SND1: variants seen among roughly 807,000 people sequenced by gnomAD.
SND1 encodes staphylococcal nuclease domain-containing protein 1.
Under a neutral mutation model 121.7 loss-of-function variants are expected in SND1, and 38 were observed. The observed-to-expected ratio is 0.31, with a 90% confidence interval of 0.24 to 0.41. The LOEUF (loss-of-function observed/expected upper bound fraction) is 0.41. Among genes scored for constraint, SND1 ranks in the 10% least tolerant of loss-of-function variants. The pLI is 1.00. For synonymous variants in SND1, 401 were observed against 447.4 expected (o/e 0.90, Z 1.31); for missense variants, 868 against 1,184.6 (o/e 0.73, Z 3.92).
intron 15 of SND1, among the ~76,000 whole-genome samples, chr7:127,937,640 C>T (rs557078433): frequency 6.6e-6 from 1 of 152,306 alleles, no homozygotes; most frequent in South Asian, 2.1e-4. Context: ...ACCCTGAATG[C>T]CTTTGAATGA....
chr7:127,941,803 T>C (rs987339240), intron 15 of SND1, among the ~76,000 whole-genome samples: 2 of 92,908 alleles, frequency 2.2e-5, no homozygotes, highest in East Asian at 3.9e-4. Context: ...CAGAAATAAC[T>C]CTTCTAAGGC....
chr7:127,721,623 G>A (rs1382011857), intron 10 of SND1, among the ~76,000 whole-genome samples: 3 of 152,172 alleles, frequency 2.0e-5, no homozygotes, highest in Non-Finnish European at 2.9e-5. Flanking sequence ...TTTCACGTGG[G>A]CACTGTTGGC....
At chr7:128,069,801 C>T (rs150905773) in intron 16 of SND1, among the ~76,000 whole-genome samples, 1 of 152,290 alleles carries the variant, frequency 6.6e-6, no homozygotes, top group Admixed American at 6.5e-5. Flanking sequence ...TTAAGTGGCA[C>T]CCCAGAATTC....
At chr7:127,767,638 T>C (rs1297114319) in intron 10 of SND1, among the ~76,000 whole-genome samples, 1 of 152,234 alleles carries the variant, frequency 6.6e-6, no homozygotes, top group Non-Finnish European at 1.5e-5. Context: ...TAGGTTCTAA[T>C]AATGATTCTA....
At chr7:128,032,237 G>GCCGCGCAGCC (rs975987232) in intron 16 of SND1, 2 of 149,436 alleles carry the variant, frequency 1.3e-5, no homozygotes, top group Non-Finnish European at 3.0e-5. Context: ...GCCGGCCGGC[G>GCCGCGCAGCC]CCGCGCAGCC....
In SND1 at chr7:128,091,691, C is replaced by T. The variant is rs140985400; in HGVS notation, c.2623-146C>T. 9.4e-5 allele frequency: 76 copies of T among 810,006 alleles called. 1 individual carries two copies. In the East Asian group the frequency reaches 1.1e-3, roughly 12 times the overall value. The allele number at this position is 810,006 out of a possible 1,614,324, so 50.2% of individuals were successfully genotyped here. A position where few individuals can be genotyped will look rare whatever the true frequency, so the allele number is the denominator to read the frequency against. ...AGGAGACTAATGTGATTGTGTTTTC[C>T]GTTTTACTCTGAGGGAACTAAGGCT... On this transcript the variant is annotated intron_variant, in intron 22 of 23. Coordinates refer to ENST00000354725, the MANE Select transcript of SND1 (RefSeq NM_014390.4).
intron 13 of SND1, among the ~76,000 whole-genome samples, chr7:127,902,961 A>T (rs1584654244): frequency 6.6e-6 from 1 of 151,782 alleles, no homozygotes; most frequent in African/African-American, 2.4e-5. Context: ...GGCTCACTGC[A>T]ACCTCCACCT....
chr7:127,697,718 A>T (rs1040787445), intron 3 of SND1, among the ~76,000 whole-genome samples: 1 of 152,190 alleles, frequency 6.6e-6, no homozygotes, highest in African/African-American at 2.4e-5. Context: ...GTAGGAAAAG[A>T]GGCTTAAGAT....
At chr7:127,770,277 T>C (rs1158643380) in intron 10 of SND1, among the ~76,000 whole-genome samples, 1 of 152,098 alleles carries the variant, frequency 6.6e-6, no homozygotes, top group Non-Finnish European at 1.5e-5. Context: ...GGTGGCTGAG[T>C]CAGGGTGAAA....
chr7:127,934,764 G>A (rs1042664002), intron 15 of SND1, among the ~76,000 whole-genome samples: 1 of 152,178 alleles, frequency 6.6e-6, no homozygotes, highest in Non-Finnish European at 1.5e-5. Flanking sequence ...CCATGAGAAT[G>A]TTCAAGCTCA....
intron 16 of SND1, among the ~76,000 whole-genome samples, chr7:127,994,413 G>A (rs190906856): frequency 1.2e-3 from 175 of 151,990 alleles, no homozygotes; most frequent in Non-Finnish European, 1.9e-3. Context: ...TTCCAACTCA[G>A]TGGTCTGGGC....
chr7:127,759,563 T>C (rs1051986431), intron 10 of SND1, among the ~76,000 whole-genome samples: 1 of 152,170 alleles, frequency 6.6e-6, no homozygotes, highest in African/African-American at 2.4e-5. Flanking sequence ...TTCCTTTTAG[T>C]AGAAAATGGT....
intron 12 of SND1, among the ~76,000 whole-genome samples, chr7:127,882,948 G>A (rs574686372): frequency 6.6e-6 from 1 of 152,134 alleles, no homozygotes; most frequent in Non-Finnish European, 1.5e-5. Context: ...AAGTCTAACA[G>A]TAAGCCATCA....
intron 11 of SND1, among the ~76,000 whole-genome samples, chr7:127,832,784 C>T (rs1483938329): frequency 6.6e-6 from 1 of 152,210 alleles, no homozygotes; most frequent in Non-Finnish European, 1.5e-5. Flanking sequence ...GCAGGCTGCA[C>T]AGCAGGACAT....
intron 12 of SND1, among the ~76,000 whole-genome samples, chr7:127,866,009 T>G (rs1799467103): frequency 6.6e-6 from 1 of 152,068 alleles, no homozygotes; most frequent in African/African-American, 2.4e-5. Context: ...TAATGCTGAT[T>G]AAAATGAAGG....
chr7:127,679,487 A>G (rs962061027), intron 1 of SND1, among the ~76,000 whole-genome samples: 29 of 152,192 alleles, frequency 1.9e-4, no homozygotes, highest in African/African-American at 6.8e-4. Context: ...CTTTTAAAGT[A>G]TATAATTCAG....
intron 1 of SND1, 146 bp downstream of exon 1, chr7:127,652,597 C>G (rs1795141582): frequency 1.4e-6 from 1 of 692,050 alleles, no homozygotes; most frequent in African/African-American, 1.8e-5. Context: ...TCCGAATCCT[C>G]TCACTAGACG....
intron 1 of SND1, among the ~76,000 whole-genome samples, chr7:127,672,591 C>T (rs1026022419): frequency 1.5e-4 from 23 of 150,688 alleles, no homozygotes; most frequent in Non-Finnish European, 2.7e-4. Flanking sequence ...CCAGCCTGGG[C>T]GACAGAGCAA....
chr7:127,702,557 T>A lies in SND1; in HGVS notation c.681+31T>A, dbSNP rs775938908. The A allele has an allele frequency of 1.5e-5, 24 of 1,571,632 alleles. No homozygotes were observed. In the South Asian group the frequency reaches 2.3e-4, roughly 15 times the overall value. ...ACCATACTCTTGGCTACGTGGTGGG[T>A]TTAGAGTGTGTGGATGTTCAGTGAT... On this transcript the variant is annotated intron_variant, in intron 6 of 23. Coordinates refer to ENST00000354725, the MANE Select transcript of SND1 (RefSeq NM_014390.4).
Sources: allele counts gnomAD v4.1 joint callset (sites outside exome capture counted in the v4.1 genomes callset), GRCh38; gene constraint gnomAD v4.1.1; transcripts MANE v1.5; gene names NCBI Gene and HGNC (gene_info 2026-07-23, HGNC 2026-07-21).